Variants in RIPOR2 observed in about 807,000 individuals in gnomAD.
RIPOR2 encodes RHO family interacting cell polarization regulator 2, also known as rho family-interacting cell polarization regulator 2.
In RIPOR2, 39 loss-of-function variants were observed where a neutral mutation model predicts 114.5. The ratio of observed to expected loss-of-function variants is 0.34; its 90% CI spans 0.26 to 0.44. The LOEUF (loss-of-function observed/expected upper bound fraction) is 0.44, where lower values mean the gene tolerates loss of function less well. Among genes scored for constraint, RIPOR2 ranks in the 20% least tolerant of loss-of-function variants. The pLI is 1.00. For missense variants in RIPOR2, 1,007 were observed against 1,255.1 expected (o/e 0.80, Z 2.99); for synonymous variants, 445 against 484.4 (o/e 0.92, Z 1.07).
chr6:24,885,981 A>G (rs541569389), intron 1 of RIPOR2, among the ~76,000 whole-genome samples: 9 of 152,334 alleles, frequency 5.9e-5, no homozygotes, highest in Admixed American at 2.0e-4. Flanking sequence ...GTGCAGTTCA[A>G]AAGTCAATTT....
chr6:24,828,146 C>T lies in RIPOR2; in HGVS notation c.2656G>A (p.Ala886Thr). Residue 886 changes from alanine to threonine, a missense_variant, in exon 18 of 22, where the codon GCC becomes ACC. Ala to Thr is a moderately conservative substitution (Grantham distance 58). Transcript: ENST00000643898. ...SDLESYLSQL[A>T]RQVSMVQTLQ... is the part of the protein sequence containing the mutation. The stretch of plus-strand genomic sequence containing the variant: ...AAAGAACATGTCCCACCTTGCCTGG[C>T]CAGCTGGCTCAGGTAACTCTCCAGG... 6.5e-7 allele frequency: 1 copy of T among 1,546,836 alleles called. No individual in the cohort carries two copies. Among genetic ancestry groups the T allele is most frequent in the South Asian group, 1.2e-5 (1 of 83,592 alleles).
chr6:24,853,461 A>T (rs111242963), intron 8 of RIPOR2, among the ~76,000 whole-genome samples: 2,009 of 152,334 alleles, frequency 0.013, 41 homozygotes, highest in African/African-American at 0.046. Context: ...TAAGCTAGGC[A>T]TCGGGGTAAT....
chr6:24,840,511 A>G, intron 13 of RIPOR2: 2 of 1,413,472 alleles, frequency 1.4e-6, no homozygotes, highest in Non-Finnish European at 1.8e-6. Context: ...ATTCAAGAGG[A>G]TGCTGGGGTG....
At chr6:24,918,937 TC>T (rs1478350468) in intron 1 of RIPOR2, among the ~76,000 whole-genome samples, 4 of 152,192 alleles carry the variant, frequency 2.6e-5, no homozygotes, top group Non-Finnish European at 5.9e-5. Context: ...AATGCCTCTT[TC>T]CTTCCTAAGT....
At chr6:24,897,330 C>T (rs540388953) in intron 1 of RIPOR2, among the ~76,000 whole-genome samples, 14 of 152,136 alleles carry the variant, frequency 9.2e-5, no homozygotes, top group Admixed American at 3.3e-4. Flanking sequence ...GTCAGCAGTG[C>T]GGGTGTTCCA....
intron 1 of RIPOR2, among the ~76,000 whole-genome samples, chr6:25,028,335 G>A (rs564214703): frequency 6.6e-6 from 1 of 152,244 alleles, no homozygotes; most frequent in Admixed American, 6.5e-5. Flanking sequence ...AGAGAGGGTG[G>A]CCACTGGAAG....
At position 24,835,613 on chromosome 6, in the gene RIPOR2, C is replaced by T. The variant is rs1761044759; in HGVS notation, c.2208+90G>A. 4 of 1,344,136 alleles carry T rather than the reference C, an allele frequency of 3.0e-6. No individual in the cohort carries two copies. In the South Asian group the frequency reaches 3.9e-5, roughly 13 times the overall value. 83.3% of individuals were successfully genotyped at this position (1,344,136 alleles called of 1,614,324 possible). A position where few individuals can be genotyped will look rare whatever the true frequency, so the allele number is the denominator to read the frequency against. The stretch of plus-strand genomic sequence containing the variant: ...GACTGTTCTCTTATTCCTGAATTCT[C>T]ATTTCCCTGGCAACACTAAAAAATG... On this transcript the variant is annotated intron_variant, in intron 15 of 21. Transcript: ENST00000643898.
At chr6:24,968,828 T>C (rs1773648677) in intron 1 of RIPOR2, among the ~76,000 whole-genome samples, 1 of 152,172 alleles carries the variant, frequency 6.6e-6, no homozygotes, top group South Asian at 2.1e-4. Context: ...CAGTACAGTC[T>C]TCAGCACCAA....
intron 1 of RIPOR2, among the ~76,000 whole-genome samples, chr6:24,945,557 C>T (rs150788079): frequency 9.7e-4 from 147 of 152,010 alleles, no homozygotes; most frequent in South Asian, 6.9e-3. Flanking sequence ...TCTGTGTTGA[C>T]GGGCATATAA....
intron 11 of RIPOR2, among the ~76,000 whole-genome samples, chr6:24,848,872 G>C (rs570309658): frequency 6.6e-6 from 1 of 152,134 alleles, no homozygotes; most frequent in African/African-American, 2.4e-5. Context: ...GCAATATACC[G>C]GGGGCATTAC....
chr6:24,885,217 G>GT (rs1057174515), intron 1 of RIPOR2, among the ~76,000 whole-genome samples: 28 of 152,134 alleles, frequency 1.8e-4, no homozygotes, highest in Non-Finnish European at 2.8e-4. Context: ...CTATTTCTGG[G>GT]TTTTTTTGTT....
At chr6:24,903,049 C>G (rs1768630922) in intron 1 of RIPOR2, among the ~76,000 whole-genome samples, 1 of 152,224 alleles carries the variant, frequency 6.6e-6, no homozygotes, top group Admixed American at 6.5e-5. Flanking sequence ...CCAGACAGTT[C>G]TGGCTCAGGG....
chr6:24,914,771 A>G (rs1769939235), intron 1 of RIPOR2, among the ~76,000 whole-genome samples: 1 of 152,242 alleles, frequency 6.6e-6, no homozygotes, highest in Non-Finnish European at 1.5e-5. Flanking sequence ...AGAAGAAAGC[A>G]GAACAGCAGC....
At chr6:24,834,204 G>C (rs1760915933) in intron 15 of RIPOR2, among the ~76,000 whole-genome samples, 2 of 152,150 alleles carry the variant, frequency 1.3e-5, no homozygotes, top group African/African-American at 2.4e-5. Context: ...GGCTAACCAA[G>C]TGGCAGGAGT....
At chr6:24,971,474 C>T (rs1426716336) in intron 1 of RIPOR2, among the ~76,000 whole-genome samples, 1 of 152,250 alleles carries the variant, frequency 6.6e-6, no homozygotes, top group East Asian at 1.9e-4. Flanking sequence ...TGGCTCTTTT[C>T]TATCACTGGT....
In RIPOR2 at chr6:24,979,851, C is replaced by CT. The variant is rs201292427; in HGVS notation, c.76+61999dup. ...TACTGCCTTTGTAAGTAACCAGTCT[C>CT]TTAGCTCTGCAAGATACAAATAGAG... On this transcript the variant is annotated intron_variant, in intron 1 of 13. Coordinates refer to the RIPOR2 transcript ENST00000510784. Among the ~76,000 whole-genome samples, 978 of 152,336 alleles carry CT rather than the reference C, an allele frequency of 6.4e-3. 16 individuals are homozygous for CT. The highest frequency in any genetic ancestry group is 0.022 in the African/African-American group (922 of 41,572).
intron 1 of RIPOR2, chr6:24,948,058 T>C (rs929707707): frequency 5.9e-5 from 9 of 152,164 alleles, no homozygotes; most frequent in African/African-American, 1.7e-4. Flanking sequence ...GTCTCAACTA[T>C]TTTACCTGCC....
chr6:24,876,239 G>A (rs1036904086), intron 1 of RIPOR2, among the ~76,000 whole-genome samples: 3 of 151,762 alleles, frequency 2.0e-5, no homozygotes, highest in African/African-American at 2.4e-5. Context: ...GCAGTGAGCC[G>A]AGATCGCCCC....
chr6:24,921,860 C>T lies in RIPOR2; in HGVS notation c.61+13978G>A, dbSNP rs542833388. 6.4e-3 allele frequency among the ~76,000 whole-genome samples: 972 copies of T among 151,490 alleles called. 5 individuals are homozygous for T. The highest frequency in any genetic ancestry group is 0.01 in the Non-Finnish European group (712 of 67,816). On this transcript the variant is annotated intron_variant, in intron 1 of 21. Coordinates refer to ENST00000643898, the MANE Select transcript of RIPOR2 (RefSeq NM_001286445.3). ...TTTTTTAAAATTTGAGACAGAGTCT[C>T]ACTCTGTCGCCCAGGCTGGAGTGCA...
Sources: allele counts gnomAD v4.1 joint callset (sites outside exome capture counted in the v4.1 genomes callset), GRCh38; gene constraint gnomAD v4.1.1; transcripts MANE v1.5; gene names NCBI Gene and HGNC (gene_info 2026-07-23, HGNC 2026-07-21).